HS3ST4: variants seen among roughly 807,000 people sequenced by gnomAD.
HS3ST4 encodes the protein heparan sulfate glucosamine 3-O-sulfotransferase 4.
In HS3ST4, 17 loss-of-function variants were observed where a neutral mutation model predicts 29.2. The ratio of observed to expected loss-of-function variants is 0.58; its 90% CI spans 0.40 to 0.87. The LOEUF is 0.87. Among genes scored for constraint, HS3ST4 ranks in the 40% least tolerant of loss-of-function variants. The pLI, the probability that HS3ST4 is intolerant of heterozygous loss-of-function variation, is 0.00. For synonymous variants in HS3ST4, 314 were observed against 285.7 expected (o/e 1.10, Z -1.00); for missense variants, 627 against 634.5 (o/e 0.99, Z 0.13).
At position 25,843,011 on chromosome 16, in the gene HS3ST4, T is replaced by C. The variant is rs139912024; in HGVS notation, c.734+149860T>C. 6.6e-5 allele frequency among the ~76,000 whole-genome samples: 10 copies of C among 152,324 alleles called. No individual in the cohort carries two copies. The East Asian group carries it at 1.9e-3, about 29-fold the overall frequency. ...AAGTTTGGGCAAAAAGCACGGAGTC[T>C]TCCCTGTACTTCTACAGCATACATT... On this transcript the variant is annotated intron_variant, in intron 1 of 1. Transcript: ENST00000331351.
At chr16:25,752,122 T>C (rs1296047179) in intron 1 of HS3ST4, among the ~76,000 whole-genome samples, 1 of 152,184 alleles carries the variant, frequency 6.6e-6, no homozygotes, top group Non-Finnish European at 1.5e-5. Flanking sequence ...CTCCATTCAT[T>C]ATTCAGTGAA....
chr16:25,947,914 G>A (rs1328196525), intron 1 of HS3ST4, among the ~76,000 whole-genome samples: 2 of 151,514 alleles, frequency 1.3e-5, no homozygotes, highest in East Asian at 3.9e-4. Context: ...CATGGTCTAT[G>A]CAAAAAAAAA....
intron 1 of HS3ST4, among the ~76,000 whole-genome samples, chr16:26,030,021 C>T (rs774235952): frequency 2.0e-5 from 3 of 152,214 alleles, no homozygotes; most frequent in Non-Finnish European, 4.4e-5. Context: ...AGAGCAAGAC[C>T]TGTCCAACTT....
At chr16:25,929,561 G>A (rs1047816159) in intron 1 of HS3ST4, among the ~76,000 whole-genome samples, 15 of 152,126 alleles carry the variant, frequency 9.9e-5, no homozygotes, top group African/African-American at 3.4e-4. Flanking sequence ...GCTTTGGAAA[G>A]AACATGCCCA....
intron 1 of HS3ST4, among the ~76,000 whole-genome samples, chr16:25,811,093 T>C (rs1401336618): frequency 3.3e-5 from 5 of 152,172 alleles, no homozygotes; most frequent in Admixed American, 3.3e-4. Flanking sequence ...CAACAAAAAA[T>C]TGGTTTATTT....
chr16:25,890,827 T>C (rs757814054), intron 1 of HS3ST4, among the ~76,000 whole-genome samples: 4 of 152,234 alleles, frequency 2.6e-5, no homozygotes, highest in Non-Finnish European at 4.4e-5. Flanking sequence ...ATTCAAGAGA[T>C]GTCAGTTACT....
chr16:25,903,367 A>ATACATATGTATATGTATATCT (rs1567268745), intron 1 of HS3ST4, among the ~76,000 whole-genome samples: 1 of 59,318 alleles, frequency 1.7e-5, no homozygotes, highest in Non-Finnish European at 4.2e-5. Flanking sequence ...TGTATATCTT[A>ATACATATGTATATGTATATCT]TATATATATA....
intron 1 of HS3ST4, among the ~76,000 whole-genome samples, chr16:25,924,011 A>G (rs909909874): frequency 1.3e-5 from 2 of 152,178 alleles, no homozygotes; most frequent in African/African-American, 2.4e-5. Flanking sequence ...TTGGCCACCT[A>G]TATTCAAATG....
intron 1 of HS3ST4, among the ~76,000 whole-genome samples, chr16:25,939,304 TTTATTATTA>T (rs201242715): frequency 7.0e-5 from 8 of 114,580 alleles, no homozygotes; most frequent in Non-Finnish European, 1.1e-4. Context: ...GCTGACAGCA[TTTATTATTA>T]TTATTATTAT....
intron 1 of HS3ST4, among the ~76,000 whole-genome samples, chr16:25,764,665 A>G (rs117697321): frequency 2.8e-3 from 428 of 152,372 alleles, no homozygotes; most frequent in Non-Finnish European, 3.0e-3. Flanking sequence ...GGGATGGCAC[A>G]TTGATACCAG....
chr16:25,695,832 T>G lies in HS3ST4; in HGVS notation c.734+2681T>G, dbSNP rs1465741983. 5.9e-5 allele frequency among the ~76,000 whole-genome samples: 9 copies of G among 152,346 alleles called. No individual in the cohort carries two copies. In the South Asian group the frequency reaches 1.2e-3, roughly 21 times the overall value. The stretch of plus-strand genomic sequence containing the variant: ...TTCCACTGTTTATTTATTGTTATTT[T>G]GTTTAAATGTGCTTCCAGTAGCCTA... On this transcript the variant is annotated intron_variant, in intron 1 of 1. Transcript: ENST00000331351.
At chr16:25,809,969 A>G (rs1013721215) in intron 1 of HS3ST4, among the ~76,000 whole-genome samples, 7 of 151,704 alleles carry the variant, frequency 4.6e-5, no homozygotes, top group Middle Eastern at 6.8e-3. Context: ...CCTGTTTTCA[A>G]TTTCATTGAT....
intron 1 of HS3ST4, among the ~76,000 whole-genome samples, chr16:25,737,010 G>A (rs1028638877): frequency 6.6e-6 from 1 of 151,822 alleles, no homozygotes; most frequent in South Asian, 2.1e-4. Flanking sequence ...CATCATGCTT[G>A]GCTAATTTTT....
rs552106229 is a variant in HS3ST4 at position 25,888,636 on chromosome 16, C to T, written c.734+195485C>T. 5.3e-5 allele frequency among the ~76,000 whole-genome samples: 8 copies of T among 152,274 alleles called. No homozygotes were observed. The South Asian group carries it at 1.7e-3, about 32-fold the overall frequency. ...CAGCTGAGCTCACATGCCTGCCTAC[C>T]CTTGGAGCTAGATTTGGGTTAAATT... On this transcript the variant is annotated intron_variant, in intron 1 of 1. Transcript: ENST00000331351.
chr16:25,992,495 T>A (rs778411804), intron 1 of HS3ST4, among the ~76,000 whole-genome samples: 5 of 152,228 alleles, frequency 3.3e-5, no homozygotes, highest in Non-Finnish European at 7.3e-5. Flanking sequence ...AAGCTAATAT[T>A]TGCATCCAGG....
intron 1 of HS3ST4, among the ~76,000 whole-genome samples, chr16:25,743,447 A>G (rs1006478254): frequency 1.3e-5 from 2 of 152,188 alleles, no homozygotes; most frequent in Admixed American, 6.5e-5. Context: ...CAATTAATCA[A>G]TCGGCATATC....
At chr16:25,715,887 C>T (rs2141587136) in intron 1 of HS3ST4, among the ~76,000 whole-genome samples, 1 of 152,318 alleles carries the variant, frequency 6.6e-6, no homozygotes, top group South Asian at 2.1e-4. Context: ...GCTGTCAGCA[C>T]CTTGTATATA....
chr16:25,794,886 T>G (rs1008557131), intron 1 of HS3ST4, among the ~76,000 whole-genome samples: 1 of 139,788 alleles, frequency 7.2e-6, no homozygotes, highest in African/African-American at 2.8e-5. Flanking sequence ...GGTAAACCTT[T>G]ACTCAAGAAT....
intron 1 of HS3ST4, among the ~76,000 whole-genome samples, chr16:25,767,879 A>G (rs752555435): frequency 6.6e-6 from 1 of 152,180 alleles, no homozygotes; most frequent in Non-Finnish European, 1.5e-5. Context: ...TTGGTTTCTT[A>G]ATGGTGCCCC....
Sources: gnomAD v4.1 joint callset for allele counts (sites outside exome capture counted in the v4.1 genomes callset) on GRCh38, gnomAD v4.1.1 for gene constraint, MANE v1.5 for transcripts, NCBI Gene and HGNC (gene_info 2026-07-23, HGNC 2026-07-21) for gene names.